CCSER1: variants seen among roughly 807,000 people sequenced by gnomAD.
CCSER1 encodes the protein serine-rich coiled-coil domain-containing protein 1.
In CCSER1, 41 loss-of-function variants were observed where a neutral mutation model predicts 82.0. That is an observed-to-expected ratio of 0.50 (90% confidence interval 0.39 to 0.65). The LOEUF is 0.65. CCSER1 is among the 30% of genes least tolerant of loss of function. The probability of loss-of-function intolerance (pLI) is 0.00; values close to 1 mark genes in which losing one functional copy is unlikely to be tolerated. For synonymous variants in CCSER1, 414 were observed against 383.9 expected (o/e 1.08, Z -0.92); for missense variants, 1,119 against 1,064.2 (o/e 1.05, Z -0.72).
chr4:91,287,823 A>T (rs1743402678), intron 10 of CCSER1, among the ~76,000 whole-genome samples: 1 of 152,000 alleles, frequency 6.6e-6, no homozygotes, highest in African/African-American at 2.4e-5. Context: ...AGCTAGAAAG[A>T]GGGAAAGGCA....
At chr4:90,685,881 A>G (rs945059622) in intron 6 of CCSER1, among the ~76,000 whole-genome samples, 8 of 152,180 alleles carry the variant, frequency 5.3e-5, no homozygotes, top group Non-Finnish European at 1.2e-4. Flanking sequence ...TATTTGATGA[A>G]AGCTGAGATG....
chr4:91,004,220 A>G (rs1028624258), intron 9 of CCSER1, among the ~76,000 whole-genome samples: 4 of 152,100 alleles, frequency 2.6e-5, no homozygotes, highest in Non-Finnish European at 5.9e-5. Context: ...AATGAGCTGC[A>G]ATCTAGTCTT....
rs138981782 is a variant in CCSER1 at position 91,538,396 on chromosome 4, G to T, written c.2218-60176G>T. On this transcript the variant is annotated intron_variant, in intron 10 of 10. Transcript: ENST00000509176. ...GCAGGCACCAGTTATGAATAAGTTT[G>T]TTCTGAAACAGTTAAAAATAAAAGA... 3.8e-3 allele frequency among the ~76,000 whole-genome samples: 575 copies of T among 151,800 alleles called. 3 individuals are homozygous for T. Among genetic ancestry groups the T allele is most frequent in the African/African-American group, 0.013 (551 of 41,426 alleles).
At chr4:91,017,469 C>T (rs1739534361) in intron 9 of CCSER1, among the ~76,000 whole-genome samples, 1 of 152,030 alleles carries the variant, frequency 6.6e-6, no homozygotes, top group South Asian at 2.1e-4. Flanking sequence ...TAGGTAAACT[C>T]GTGTAATGGG....
intron 10 of CCSER1, among the ~76,000 whole-genome samples, chr4:91,117,710 A>AT (rs748831916): frequency 2.6e-5 from 4 of 152,182 alleles, no homozygotes; most frequent in Non-Finnish European, 5.9e-5. Context: ...AAAAAAAATG[A>AT]TTAAGAGCAT....
intron 6 of CCSER1, among the ~76,000 whole-genome samples, chr4:90,715,727 A>G (rs947697235): frequency 1.1e-4 from 16 of 152,014 alleles, no homozygotes; most frequent in Non-Finnish European, 1.5e-5. Context: ...GGCAGTGGGA[A>G]AATACTCACT....
At chr4:91,360,636 G>A (rs967918437) in intron 10 of CCSER1, among the ~76,000 whole-genome samples, 48 of 151,820 alleles carry the variant, frequency 3.2e-4, no homozygotes, top group Non-Finnish European at 5.9e-5. Context: ...CCTATAGCTC[G>A]AGCTCAGCCA....
At chr4:91,078,434 C>T (rs1214429909) in intron 9 of CCSER1, among the ~76,000 whole-genome samples, 4 of 152,188 alleles carry the variant, frequency 2.6e-5, no homozygotes, top group Non-Finnish European at 5.9e-5. Context: ...ACGTCACCAT[C>T]ATCAAAGACC....
At chr4:91,570,125 T>G (rs1763100394) in intron 10 of CCSER1, among the ~76,000 whole-genome samples, 1 of 152,166 alleles carries the variant, frequency 6.6e-6, no homozygotes, top group Admixed American at 6.5e-5. Context: ...ACTCCAAGTC[T>G]CACTTCCAGG....
chr4:91,367,659 T>G (rs1306628894), intron 10 of CCSER1, among the ~76,000 whole-genome samples: 3 of 152,274 alleles, frequency 2.0e-5, no homozygotes, highest in Non-Finnish European at 1.5e-5. Context: ...CTCTACACAT[T>G]ACTATATCAT....
At chr4:90,857,448 G>A (rs1764583507) in intron 8 of CCSER1, among the ~76,000 whole-genome samples, 2 of 152,050 alleles carry the variant, frequency 1.3e-5, no homozygotes, top group Admixed American at 1.3e-4. Flanking sequence ...ATGAGAGCAG[G>A]ACAGAAATCA....
At chr4:90,354,669 G>A (rs929326236) in intron 3 of CCSER1, among the ~76,000 whole-genome samples, 1 of 151,928 alleles carries the variant, frequency 6.6e-6, no homozygotes, top group Non-Finnish European at 1.5e-5. Flanking sequence ...CTAAATAAAG[G>A]TATTAATGAC....
chr4:91,106,425 A>G (rs1561553677), intron 10 of CCSER1, among the ~76,000 whole-genome samples: 1 of 152,208 alleles, frequency 6.6e-6, no homozygotes, highest in Non-Finnish European at 1.5e-5. Flanking sequence ...TAGACATACC[A>G]CAACTGAATA....
At chr4:90,505,726 G>A (rs945467821) in intron 5 of CCSER1, among the ~76,000 whole-genome samples, 1 of 152,136 alleles carries the variant, frequency 6.6e-6, no homozygotes, top group African/African-American at 2.4e-5. Flanking sequence ...GGCACTGATG[G>A]GAGTTTCCTT....
At chr4:90,821,372 G>T (rs183319651) in intron 8 of CCSER1, among the ~76,000 whole-genome samples, 1 of 152,254 alleles carries the variant, frequency 6.6e-6, no homozygotes, top group Admixed American at 6.5e-5. Context: ...CATGGTGATT[G>T]GAGAGAATAT....
intron 10 of CCSER1, among the ~76,000 whole-genome samples, chr4:91,474,751 A>G (rs1281074889): frequency 7.2e-6 from 1 of 139,456 alleles, no homozygotes; most frequent in Non-Finnish European, 1.6e-5. Context: ...ATGCACACAC[A>G]CACACACATG....
chr4:91,186,041 A>G (rs1734501093), intron 10 of CCSER1, among the ~76,000 whole-genome samples: 1 of 152,172 alleles, frequency 6.6e-6, no homozygotes, highest in Non-Finnish European at 1.5e-5. Flanking sequence ...AAGCCTCTAA[A>G]TCACCCTCTC....
At chr4:90,522,772 T>G (rs1773294955) in intron 5 of CCSER1, among the ~76,000 whole-genome samples, 1 of 152,190 alleles carries the variant, frequency 6.6e-6, no homozygotes, top group East Asian at 1.9e-4. Context: ...TAATTTCTGT[T>G]TATAAATATT....
At chr4:90,820,282 G>A (rs891004469) in intron 8 of CCSER1, among the ~76,000 whole-genome samples, 1 of 152,144 alleles carries the variant, frequency 6.6e-6, no homozygotes, top group Non-Finnish European at 1.5e-5. Context: ...GTATGTTTTG[G>A]TCTGTTTTGT....
Sources: allele counts gnomAD v4.1 joint callset (sites outside exome capture counted in the v4.1 genomes callset), GRCh38; gene constraint gnomAD v4.1.1; transcripts MANE v1.5; gene names NCBI Gene and HGNC (gene_info 2026-07-23, HGNC 2026-07-21).